GLIS1: variants seen among roughly 807,000 people sequenced by gnomAD.
GLIS1 encodes GLIS family zinc finger 1, also known as zinc finger protein GLIS1.
Under a neutral mutation model 63.8 loss-of-function variants are expected in GLIS1, and 24 were observed. That is an observed-to-expected ratio of 0.38 (90% CI 0.27 to 0.53). The LOEUF is 0.53. GLIS1 is among the 20% of genes least tolerant of loss of function. The pLI, the probability that GLIS1 is intolerant of heterozygous loss-of-function variation, is 0.85. For synonymous variants in GLIS1, 450 were observed against 482.5 expected (o/e 0.93, Z 0.88); for missense variants, 1,036 against 1,074.1 (o/e 0.96, Z 0.50).
chr1:53,735,369 G>C (rs1463266524), intron 2 of GLIS1, among the ~76,000 whole-genome samples: 1 of 152,162 alleles, frequency 6.6e-6, no homozygotes, highest in African/African-American at 2.4e-5. Context: ...AGCTTATAAG[G>C]CATTCTTACA....
intron 2 of GLIS1, among the ~76,000 whole-genome samples, chr1:53,661,000 G>A (rs765086269): frequency 3.9e-5 from 6 of 152,168 alleles, no homozygotes; most frequent in African/African-American, 9.7e-5. Flanking sequence ...TCCACCACCC[G>A]TCCACTGAGT....
intron 4 of GLIS1, among the ~76,000 whole-genome samples, chr1:53,552,271 C>T (rs534235451): frequency 6.6e-6 from 1 of 152,152 alleles, no homozygotes; most frequent in African/African-American, 2.4e-5. Context: ...AAGTGTGTCC[C>T]GGTAGGAGGG....
chr1:53,576,281 A>C (rs1255341673), intron 4 of GLIS1, among the ~76,000 whole-genome samples: 1 of 152,036 alleles, frequency 6.6e-6, no homozygotes, highest in Non-Finnish European at 1.5e-5. Context: ...CCAGATCCAC[A>C]CATCCTACTG....
In GLIS1 at chr1:53,733,851, GC is replaced by G. The variant is rs902281334; in HGVS notation, c.259+3954del. 6.6e-6 allele frequency: 6 copies of G among 904,786 alleles called. No homozygotes were observed. The African/African-American group carries it at 1.1e-4, about 16-fold the overall frequency. 56.0% of individuals were successfully genotyped at this position (904,786 alleles called of 1,614,324 possible). ...GCACTTTAAAATGGATGAAATGCAA[GC>G]AAATTGCCCACCGGAGCCGGAGGGG... On this transcript the variant is annotated intron_variant, in intron 2 of 10. Coordinates refer to ENST00000628545, the MANE Select transcript of GLIS1 (RefSeq NM_001367484.1).
At chr1:53,702,413 G>A (rs1305790256) in intron 2 of GLIS1, among the ~76,000 whole-genome samples, 1 of 152,248 alleles carries the variant, frequency 6.6e-6, no homozygotes. Context: ...TAGCACACAT[G>A]AGCATGAAGA....
At chr1:53,732,185 G>A (rs536566617) in intron 2 of GLIS1, among the ~76,000 whole-genome samples, 9 of 152,308 alleles carry the variant, frequency 5.9e-5, no homozygotes, top group East Asian at 1.9e-4. Context: ...GATCCGCCTC[G>A]ATCCACCGGA....
At chr1:53,563,329 T>C (rs976207398) in intron 4 of GLIS1, among the ~76,000 whole-genome samples, 1 of 152,164 alleles carries the variant, frequency 6.6e-6, no homozygotes, top group African/African-American at 2.4e-5. Context: ...AGGGGTGAAA[T>C]GTGTAAGGAG....
intron 4 of GLIS1, among the ~76,000 whole-genome samples, chr1:53,550,090 T>C (rs1490525545): frequency 6.6e-6 from 1 of 152,202 alleles, no homozygotes; most frequent in African/African-American, 2.4e-5. Flanking sequence ...CTCATGATAT[T>C]TTCTCTCTCC....
chr1:53,515,816 TAAAAAAAAAAAA>T (rs58953406), intron 7 of GLIS1, among the ~76,000 whole-genome samples: 3 of 69,136 alleles, frequency 4.3e-5, no homozygotes, highest in Non-Finnish European at 5.6e-5. Flanking sequence ...CTATTTTATC[TAAAAAAAAAAAA>T]AAAAAAAAAA....
chr1:53,531,977 A>T (rs1644535705), intron 4 of GLIS1, among the ~76,000 whole-genome samples: 1 of 152,136 alleles, frequency 6.6e-6, no homozygotes, highest in Non-Finnish European at 1.5e-5. Context: ...TGAAAAAGGC[A>T]CAGATTCCCT....
In GLIS1 at chr1:53,511,400, G is replaced by A. The variant is rs1332188763; in HGVS notation, c.1884-1373C>T. ...GATTTGGAGAGAGGCTGGGGTCTCC[G>A]CATCTGTGCTGTGCCAAGTTCCTCT... On this transcript the variant is annotated intron_variant, in intron 8 of 10. Transcript: ENST00000628545. The surrounding 1 kb of genome is among the most constrained non-coding windows in gnomAD (Gnocchi z 4.2). Among the ~76,000 whole-genome samples, 6 of 152,228 alleles carry A rather than the reference G, an allele frequency of 3.9e-5. No individual in the cohort carries two copies. The highest frequency in any genetic ancestry group is 7.4e-5 in the Non-Finnish European group (5 of 68,018).
chr1:53,618,272 A>G (rs1338193299), intron 2 of GLIS1, among the ~76,000 whole-genome samples: 1 of 152,258 alleles, frequency 6.6e-6, no homozygotes, highest in African/African-American at 2.4e-5. Flanking sequence ...AAATGCAGAA[A>G]TGAATACACC....
chr1:53,685,256 C>T (rs1208794145), intron 2 of GLIS1, among the ~76,000 whole-genome samples: 2 of 152,228 alleles, frequency 1.3e-5, no homozygotes, highest in Non-Finnish European at 2.9e-5. Context: ...GCAGCTGACC[C>T]TACATGCTGC....
chr1:53,716,202 T>C (rs1173022295), intron 2 of GLIS1, among the ~76,000 whole-genome samples: 2 of 152,186 alleles, frequency 1.3e-5, no homozygotes, highest in Non-Finnish European at 2.9e-5. Flanking sequence ...GGGTTCCGTG[T>C]GTCTCCTCTA....
chr1:53,553,888 G>A (rs992751328), intron 4 of GLIS1, among the ~76,000 whole-genome samples: 10 of 152,346 alleles, frequency 6.6e-5, no homozygotes, highest in Admixed American at 5.9e-4. Context: ...GGGCTCTGGA[G>A]AGGTGGGGGT....
intron 2 of GLIS1, among the ~76,000 whole-genome samples, chr1:53,686,403 T>TC (rs1646337655): frequency 6.6e-6 from 1 of 152,222 alleles, no homozygotes; most frequent in African/African-American, 2.4e-5. Flanking sequence ...TGCTTTGTTC[T>TC]CATCCGCAGT....
At chr1:53,699,089 G>C (rs981859532) in intron 2 of GLIS1, among the ~76,000 whole-genome samples, 7 of 151,034 alleles carry the variant, frequency 4.6e-5, no homozygotes, top group African/African-American at 1.7e-4. Context: ...TTTTGAGACA[G>C]AGTCTCATTC....
chr1:53,614,957 C>A (rs982939732), intron 2 of GLIS1, among the ~76,000 whole-genome samples: 4 of 151,934 alleles, frequency 2.6e-5, no homozygotes, highest in Admixed American at 6.6e-5. Context: ...ATTTACTGTA[C>A]ATAAATTTTT....
At chr1:53,626,554 T>TATC (rs1645596020) in intron 2 of GLIS1, among the ~76,000 whole-genome samples, 1 of 152,224 alleles carries the variant, frequency 6.6e-6, no homozygotes, top group East Asian at 1.9e-4. Context: ...CACTCATCAT[T>TATC]ATTTAAAAGC....
Sources: allele counts gnomAD v4.1 joint callset (sites outside exome capture counted in the v4.1 genomes callset), GRCh38; gene constraint gnomAD v4.1.1; non-coding constraint Gnocchi (gnomAD v3.1); transcripts MANE v1.5; gene names NCBI Gene and HGNC (gene_info 2026-07-23, HGNC 2026-07-21).